Variants in DCAF4 observed in about 807,000 individuals in gnomAD.
DCAF4 encodes DDB1 and CUL4 associated factor 4.
A neutral mutation model predicts 60.9 loss-of-function variants in DCAF4; 37 were observed. The ratio of observed to expected loss-of-function variants is 0.61; its 90% confidence interval spans 0.47 to 0.80. The LOEUF (loss-of-function observed/expected upper bound fraction) is 0.80, where lower values mean the gene tolerates loss of function less well. Ranked by LOEUF, DCAF4 falls within the 30% of genes least tolerant of loss-of-function variation. DCAF4 has a pLI of 0.00. For synonymous variants in DCAF4, 243 were observed against 254.8 expected (o/e 0.95, Z 0.44); for missense variants, 577 against 650.0 (o/e 0.89, Z 1.22).
At position 72,951,799 on chromosome 14, in the gene DCAF4, C is replaced by T; in HGVS notation, c.730C>T (p.Leu244=). The T allele has an allele frequency of 3.7e-6, 6 of 1,614,120 alleles. No homozygotes were observed. The highest frequency in any genetic ancestry group is 5.1e-6 in the Non-Finnish European group (6 of 1,180,018). ...SLNHLDSHIL[L]CLMGLAETPG... is the part of the protein sequence containing the mutation. Reference sequence around the variant, plus strand: ...ACTGTCCTTAACAGCTTTTTCCAGGCTATGCCTCATGGGACTCGCAGAGAC... The same window carrying T: ...ACTGTCCTTAACAGCTTTTTCCAGGTTATGCCTCATGGGACTCGCAGAGAC... The change falls in exon 9 of 14, where the codon CTA becomes TTA. Residue 244 remains leucine (L), a splice_region_variant and synonymous_variant. Coordinates refer to ENST00000358377, the MANE Select transcript of DCAF4 (RefSeq NM_015604.4).
rs761955373 is a variant in DCAF4 at position 72,955,541 on chromosome 14, G to A, written c.1024G>A (p.Gly342Ser). ...TCCACAGGCTCCTCTGCTGTTTAAT[G>A]GCTGCCGCTCTGGGGAAATCTTTGC... ...FALMAPLLFNGCRSGEIFAID... is the reference protein window; with the variant it reads ...FALMAPLLFNSCRSGEIFAID... Residue 342 changes from glycine to serine, a missense_variant, in exon 12 of 14, where the codon GGC becomes AGC. Transcript: ENST00000358377. 7 of 1,613,934 alleles carry A rather than the reference G, an allele frequency of 4.3e-6. No homozygotes were observed. The South Asian group carries it at 4.4e-5, about 10-fold the overall frequency.
Position 72,954,281 on chromosome 14 carries a change from G to A in DCAF4, c.907+19G>A. Reference sequence around the variant, plus strand: ...AGTACAGGTGAGCCTGGCTCCCCAGGTGCCCAGAGAAGAGGCCTTAACAGG... The same window carrying A: ...AGTACAGGTGAGCCTGGCTCCCCAGATGCCCAGAGAAGAGGCCTTAACAGG... On this transcript the variant is annotated intron_variant, in intron 10 of 13. Coordinates refer to ENST00000358377, the MANE Select transcript of DCAF4 (RefSeq NM_015604.4). The A allele has an allele frequency of 6.2e-7, 1 of 1,614,104 alleles. No homozygotes were observed. Among genetic ancestry groups the A allele is most frequent in the Non-Finnish European group, 8.5e-7 (1 of 1,179,986 alleles).
chr14:72,951,966 C>A, intron 9 of DCAF4, 89 bp downstream of exon 9: 2 of 1,372,166 alleles, frequency 1.5e-6, no homozygotes, highest in Non-Finnish European at 2.1e-6. Flanking sequence ...GGGGCCGCTG[C>A]AGAGGCACTG....
chr14:72,950,693 A>G (rs1182754272), intron 8 of DCAF4, among the ~76,000 whole-genome samples: 4 of 152,168 alleles, frequency 2.6e-5, no homozygotes, highest in African/African-American at 7.2e-5. Flanking sequence ...AGACACCCAC[A>G]TGTAGTCAGG....
At chr14:72,940,866 CA>C (rs1049811241) in intron 4 of DCAF4, among the ~76,000 whole-genome samples, 3 of 151,974 alleles carry the variant, frequency 2.0e-5, no homozygotes, top group Non-Finnish European at 4.4e-5. Flanking sequence ...GCTGGGATTA[CA>C]GGCGTGAGCC....
Position 72,958,931 on chromosome 14 carries a change from TAGGAG to T in DCAF4, c.*129_*133del. ...TACACAGATCCCATCCTCTGGCTGCTAGGAGAGAAGTGCTGAATGTTCCGTGTGGA... is the reference window on the plus strand; with the variant it reads ...TACACAGATCCCATCCTCTGGCTGCTAGAAGTGCTGAATGTTCCGTGTGGA... On this transcript the variant is annotated 3_prime_UTR_variant, in exon 14 of 14. Transcript: ENST00000358377. 3.6e-6 allele frequency: 5 copies of T among 1,398,846 alleles called. No homozygotes were observed. The highest frequency in any genetic ancestry group is 4.6e-6 in the Non-Finnish European group (5 of 1,082,764). The allele number at this position is 1,398,846 out of a possible 1,614,324, so 86.7% of individuals were successfully genotyped here.
In DCAF4 at chr14:72,939,841, C is replaced by A. The variant is rs760618140; in HGVS notation, c.132C>A (p.Gly44=). 1 of 1,613,172 alleles carries A rather than the reference C, an allele frequency of 6.2e-7. No individual in the cohort carries two copies. The highest frequency in any genetic ancestry group is 1.3e-5 in the African/African-American group (1 of 74,924). The change falls in exon 3 of 14, where the codon GGC becomes GGA. Residue 44 remains glycine (G), a synonymous_variant. Transcript: ENST00000358377. ...SRAAQPAHDS[G]HGDDESPSTS... ...CAGCACAGCCCGCTCACGATTCCGG[C>A]CACGGTGATGACGAGTCTCCGTCAA...
chr14:72,929,840 CGCG>C, intron 1 of DCAF4: 6 of 1,419,380 alleles, frequency 4.2e-6, no homozygotes, highest in African/African-American at 1.4e-5. Flanking sequence ...CTCAGACGCC[CGCG>C]GCGGCGGCTG....
At chr14:72,934,051 C>T (rs181697010) in intron 1 of DCAF4, among the ~76,000 whole-genome samples, 5 of 152,296 alleles carry the variant, frequency 3.3e-5, no homozygotes, top group Non-Finnish European at 7.4e-5. Context: ...TGATCATGCC[C>T]TGTCTGCCTC....
chr14:72,952,860 A>G (rs1256893663), intron 9 of DCAF4, among the ~76,000 whole-genome samples: 4 of 142,314 alleles, frequency 2.8e-5, no homozygotes, highest in Non-Finnish European at 4.6e-5. Context: ...ACGCCCGGCT[A>G]ATTTTTGTAT....
intron 12 of DCAF4, among the ~76,000 whole-genome samples, chr14:72,955,969 C>T (rs1892238104): frequency 8.5e-6 from 1 of 117,040 alleles, no homozygotes; most frequent in Non-Finnish European, 1.6e-5. Flanking sequence ...GTCGCCCGGG[C>T]TGGAGTGCAG....
At chr14:72,928,040 A>T (rs1040381553) in intron 1 of DCAF4, among the ~76,000 whole-genome samples, 2 of 150,980 alleles carry the variant, frequency 1.3e-5, no homozygotes, top group African/African-American at 2.4e-5. Context: ...GGCTCAAGCT[A>T]TCCTCCCACC....
intron 2 of DCAF4, among the ~76,000 whole-genome samples, chr14:72,939,045 A>G (rs1332762338): frequency 6.6e-6 from 1 of 151,596 alleles, no homozygotes; most frequent in African/African-American, 2.4e-5. Context: ...GGCTACATTA[A>G]ATGTATTTTT....
intron 2 of DCAF4, among the ~76,000 whole-genome samples, chr14:72,939,061 A>G (rs1449035345): frequency 6.6e-6 from 1 of 151,632 alleles, no homozygotes; most frequent in Non-Finnish European, 1.5e-5. Flanking sequence ...TTTTTAAAAT[A>G]AAGTTGGCTG....
intron 1 of DCAF4, among the ~76,000 whole-genome samples, chr14:72,936,203 G>T (rs1296032544): frequency 1.3e-5 from 2 of 152,196 alleles, no homozygotes; most frequent in African/African-American, 4.8e-5. Flanking sequence ...TGGGGTATAA[G>T]ATAACTGATC....
At chr14:72,929,754 T>A (rs1336648886) in intron 1 of DCAF4, 2 of 1,039,714 alleles carry the variant, frequency 1.9e-6, no homozygotes, top group Non-Finnish European at 3.0e-6. Context: ...CTTCAGTGAC[T>A]CCATGGCGCG....
intron 6 of DCAF4, among the ~76,000 whole-genome samples, 180 bp downstream of exon 6, chr14:72,943,276 C>G (rs958362449): frequency 6.6e-6 from 1 of 152,214 alleles, no homozygotes; most frequent in Non-Finnish European, 1.5e-5. Flanking sequence ...AGACGCTGAG[C>G]TGGCAGGCAG....
rs140335504 is a variant in DCAF4, at chr14:72,946,573, A to G, written c.678+546A>G. Among the ~76,000 whole-genome samples, 62 of 152,292 alleles carry G rather than the reference A, an allele frequency of 4.1e-4. No homozygotes were observed. In the East Asian group the frequency reaches 0.011, roughly 28 times the overall value. On this transcript the variant is annotated intron_variant, in intron 7 of 13. Coordinates refer to ENST00000358377, the MANE Select transcript of DCAF4 (RefSeq NM_015604.4). ...CCAGGGGTCCAGGAGTTGATCTGGA[A>G]GGGCCCACACCAGGGCACAGAGTTC...
Position 72,941,826 on chromosome 14 carries a change from TAAGA to T in DCAF4, c.431+3_431+6del. 6.2e-7 allele frequency: 1 copy of T among 1,613,602 alleles called. No homozygotes were observed. Among genetic ancestry groups the T allele is most frequent in the Non-Finnish European group, 8.5e-7 (1 of 1,179,644 alleles). ...TCTCAACGTCACCAATTACTGCCAG[TAAGA>T]CAATGCCTCTTTGTTATGTTTTCTT... On this transcript the variant is annotated splice_donor_5th_base_variant and intron_variant, in intron 5 of 13. Coordinates refer to ENST00000358377, the MANE Select transcript of DCAF4 (RefSeq NM_015604.4).
Sources: allele counts gnomAD v4.1 joint callset (sites outside exome capture counted in the v4.1 genomes callset), GRCh38; gene constraint gnomAD v4.1.1; transcripts MANE v1.5; gene names NCBI Gene and HGNC (gene_info 2026-07-23, HGNC 2026-07-21).